Variants in C1QTNF3 observed in about 807,000 individuals in gnomAD.
C1QTNF3 encodes the protein C1q and TNF related 3.
A neutral mutation model predicts 32.6 loss-of-function variants in C1QTNF3; 26 were observed. The ratio of observed to expected loss-of-function variants is 0.80; its 90% confidence interval spans 0.58 to 1.11. The LOEUF (loss-of-function observed/expected upper bound fraction) is 1.11, where lower values mean the gene tolerates loss of function less well. Ranked by LOEUF, C1QTNF3 falls within the 50% of genes least tolerant of loss-of-function variation. The pLI, the probability that C1QTNF3 is intolerant of heterozygous loss-of-function variation, is 0.00. For missense variants in C1QTNF3, 362 were observed against 398.2 expected, an observed-to-expected ratio of 0.91 and a Z score of 0.77; for synonymous variants, 155 against 146.0, an observed-to-expected ratio of 1.06 and a Z score of -0.44.
chr5:34,175,614 C>G, the C1QTNF3 span: 1 of 466,958 alleles, frequency 2.1e-6, no homozygotes, highest in Non-Finnish European at 3.9e-6. Context: ...GCTTTTTGAC[C>G]GTATGTGGGA....
At chr5:34,194,875 C>T in the C1QTNF3 span, among the ~76,000 whole-genome samples, 1 of 148,962 alleles carries the variant, frequency 6.7e-6, no homozygotes, top group Non-Finnish European at 1.5e-5. Context: ...CTCATAATAT[C>T]CGATGTAAAT....
chr5:34,208,944 G>C, the C1QTNF3 span, among the ~76,000 whole-genome samples: 1 of 152,046 alleles, frequency 6.6e-6, no homozygotes, highest in Non-Finnish European at 1.5e-5. Flanking sequence ...TCACTACCAG[G>C]GACCATTTGT....
At chr5:34,138,506 T>A in the C1QTNF3 span, among the ~76,000 whole-genome samples, 12 of 152,136 alleles carry the variant, frequency 7.9e-5, no homozygotes, top group Non-Finnish European at 1.6e-4. Flanking sequence ...TGTTTTTTTT[T>A]ATAAATTTAA....
chr5:34,092,375 AAC>A, the C1QTNF3 span, among the ~76,000 whole-genome samples: 7 of 152,078 alleles, frequency 4.6e-5, no homozygotes, highest in South Asian at 2.1e-4. Flanking sequence ...TGCTTCTTTA[AAC>A]ACAGTCTTTG....
the C1QTNF3 span, among the ~76,000 whole-genome samples, chr5:34,055,854 G>C: frequency 1.5e-3 from 235 of 152,330 alleles, no homozygotes; most frequent in African/African-American, 5.5e-3. Context: ...GCATACATCT[G>C]TCTTCAGCTC....
At chr5:34,121,816 C>A in the C1QTNF3 span, among the ~76,000 whole-genome samples, 1 of 152,100 alleles carries the variant, frequency 6.6e-6, no homozygotes, top group African/African-American at 2.4e-5. Context: ...ATTAGGTCAT[C>A]GGAGTAAAGC....
the C1QTNF3 span, among the ~76,000 whole-genome samples, chr5:34,085,187 G>A: frequency 0.034 from 5,053 of 149,090 alleles, 125 homozygotes; most frequent in Non-Finnish European, 0.052. Context: ...TGTAGAGACC[G>A]GGTTTCACCG....
chr5:34,052,728 C>T, the C1QTNF3 span, among the ~76,000 whole-genome samples: 1 of 152,164 alleles, frequency 6.6e-6, no homozygotes, highest in African/African-American at 2.4e-5. Flanking sequence ...CAAATGTTGG[C>T]TATTATTACA....
At chr5:34,042,755 A>G in intron 1 of C1QTNF3, 68 bp downstream of exon 1, 1 of 1,453,748 alleles carries the variant, frequency 6.9e-7, no homozygotes. Flanking sequence ...AAAAAGAACA[A>G]CAACAAAACA....
the C1QTNF3 span, among the ~76,000 whole-genome samples, chr5:34,164,282 T>C: frequency 9.2e-5 from 14 of 152,116 alleles, no homozygotes; most frequent in African/African-American, 3.1e-4. Context: ...GCCAGAAAAA[T>C]GATCAATGGT....
chr5:34,201,866 G>C, the C1QTNF3 span, among the ~76,000 whole-genome samples: 3 of 152,198 alleles, frequency 2.0e-5, no homozygotes, highest in Non-Finnish European at 4.4e-5. Flanking sequence ...GGAAGGTTTT[G>C]AGTTCTTGAA....
the C1QTNF3 span, among the ~76,000 whole-genome samples, chr5:34,063,524 G>C: frequency 4.6e-5 from 7 of 152,152 alleles, no homozygotes; most frequent in South Asian, 2.1e-4. Context: ...CTGGTGGGGG[G>C]GCTGGGGGGA....
At chr5:34,212,326 T>C in the C1QTNF3 span, among the ~76,000 whole-genome samples, 6 of 152,106 alleles carry the variant, frequency 3.9e-5, no homozygotes, top group Non-Finnish European at 8.8e-5. Context: ...GGCATTACCA[T>C]TCAGGACACA....
the C1QTNF3 span, chr5:34,175,952 T>A: frequency 1.2e-6 from 1 of 828,266 alleles, no homozygotes; most frequent in Non-Finnish European, 2.2e-6. Flanking sequence ...ACATCAGAGG[T>A]GGATCCTGGG....
the C1QTNF3 span, among the ~76,000 whole-genome samples, chr5:34,108,400 C>T: frequency 6.6e-6 from 1 of 152,088 alleles, no homozygotes; most frequent in African/African-American, 2.4e-5. Flanking sequence ...GTGCTCTCCC[C>T]GTGCTGAAAA....
chr5:34,161,738 A>G, the C1QTNF3 span, among the ~76,000 whole-genome samples: 1 of 152,202 alleles, frequency 6.6e-6, no homozygotes, highest in Non-Finnish European at 1.5e-5. Context: ...AAATTTTAAA[A>G]ATATTGTAAA....
At chr5:34,064,692 T>G in the C1QTNF3 span, among the ~76,000 whole-genome samples, 1 of 152,080 alleles carries the variant, frequency 6.6e-6, no homozygotes, top group Non-Finnish European at 1.5e-5. Context: ...CAGTGGTGGA[T>G]GGCAAGCAAA....
the C1QTNF3 span, among the ~76,000 whole-genome samples, chr5:34,056,416 A>ATGTG: frequency 1.6e-5 from 1 of 61,192 alleles, no homozygotes; most frequent in Non-Finnish European, 3.7e-5. Context: ...ATATATGTAT[A>ATGTG]TGTATGTGTG....
chr5:34,160,368 T>C, the C1QTNF3 span, among the ~76,000 whole-genome samples: 1 of 152,350 alleles, frequency 6.6e-6, no homozygotes, highest in African/African-American at 2.4e-5. Context: ...TGGATGAATT[T>C]CTTTAAATTA....
Sources: gnomAD v4.1 joint callset for allele counts (sites outside exome capture counted in the v4.1 genomes callset) on GRCh38, gnomAD v4.1.1 for gene constraint, MANE v1.5 for transcripts, NCBI Gene and HGNC (gene_info 2026-07-23, HGNC 2026-07-21) for gene names.